RAPGEF2: variants seen among roughly 807,000 people sequenced by gnomAD.
RAPGEF2 encodes Rap guanine nucleotide exchange factor 2, also known as PDZ domain containing guanine nucleotide exchange factor (GEF) 1.
Under a neutral mutation model 186.7 loss-of-function variants are expected in RAPGEF2, and 54 were observed. The ratio of observed to expected loss-of-function variants is 0.29; its 90% CI spans 0.23 to 0.36. The LOEUF is 0.36. Among genes scored for constraint, RAPGEF2 ranks in the 10% least tolerant of loss-of-function variants. The probability of loss-of-function intolerance (pLI) is 1.00; values close to 1 mark genes in which losing one functional copy is unlikely to be tolerated. For synonymous variants in RAPGEF2, 712 were observed against 705.9 expected, an observed-to-expected ratio of 1.01 and a Z score of -0.14; for missense variants, 1,532 against 2,045.0, an observed-to-expected ratio of 0.75 and a Z score of 4.84.
rs190004652 is a variant in RAPGEF2, at chr4:159,220,831, G to T, written c.281+10248G>T. 8.5e-5 allele frequency among the ~76,000 whole-genome samples: 13 copies of T among 152,238 alleles called. No individual in the cohort carries two copies. The East Asian group carries it at 2.5e-3, about 29-fold the overall frequency. ...ATTTAATAAATGTTTGCTAAATTCT[G>T]TTGGGTCAGAATTATATTTTTAACT... On this transcript the variant is annotated intron_variant, in intron 4 of 29. Transcript: ENST00000691494.
rs148380573 is a variant in RAPGEF2 at position 159,143,715 on chromosome 4, A to T, written c.69+39484A>T. Among the ~76,000 whole-genome samples, 91 of 152,234 alleles carry T rather than the reference A, an allele frequency of 6.0e-4. No individual in the cohort carries two copies. The South Asian group carries it at 6.2e-3, about 10-fold the overall frequency. On this transcript the variant is annotated intron_variant, in intron 1 of 29. Transcript: ENST00000691494. Reference sequence around the variant, plus strand: ...AAGTTGATACTTACTGGGGAGCTGGATGGAATAGGTGTTTCTGGCGTTTTT... The same window carrying T: ...AAGTTGATACTTACTGGGGAGCTGGTTGGAATAGGTGTTTCTGGCGTTTTT...
chr4:159,325,275 TAGAGGAAAACAAAATGGTATAAG>T (rs1453310574), intron 11 of RAPGEF2, among the ~76,000 whole-genome samples: 7 of 152,218 alleles, frequency 4.6e-5, no homozygotes, highest in African/African-American at 9.6e-5. Context: ...TTTTGTATAA[TAGAGGAAAACAAAATGGTATAAG>T]AGAGGAAAAC....
At chr4:159,185,519 G>C (rs1182417399) in intron 1 of RAPGEF2, among the ~76,000 whole-genome samples, 4 of 152,166 alleles carry the variant, frequency 2.6e-5, no homozygotes, top group Non-Finnish European at 2.9e-5. Flanking sequence ...CTAAAACATG[G>C]ATAAACCTTG....
chr4:159,287,139 TA>T (rs1274867180), intron 7 of RAPGEF2, among the ~76,000 whole-genome samples: 1 of 152,094 alleles, frequency 6.6e-6, no homozygotes, highest in African/African-American at 2.4e-5. Flanking sequence ...CTCTTTTGAC[TA>T]GATTAAACTT....
chr4:159,273,886 G>A (rs935236064), intron 7 of RAPGEF2, among the ~76,000 whole-genome samples: 32 of 152,122 alleles, frequency 2.1e-4, no homozygotes, highest in African/African-American at 7.0e-4. Context: ...TCCATCTCCC[G>A]GGTTCAAGCA....
At chr4:159,123,472 G>T (rs111836638) in intron 1 of RAPGEF2, among the ~76,000 whole-genome samples, 1 of 151,684 alleles carries the variant, frequency 6.6e-6, no homozygotes, top group Admixed American at 6.6e-5. Context: ...AAAGTTATTC[G>T]TGCCAGGTTA....
chr4:159,171,347 T>G (rs977497000), intron 1 of RAPGEF2, among the ~76,000 whole-genome samples: 22 of 152,230 alleles, frequency 1.4e-4, no homozygotes, highest in African/African-American at 4.3e-4. Flanking sequence ...AAGGCACTGA[T>G]GATTCGCTTA....
chr4:159,273,876 T>C (rs1025349111), intron 7 of RAPGEF2, among the ~76,000 whole-genome samples: 1 of 152,144 alleles, frequency 6.6e-6, no homozygotes. Context: ...CACTGCTACC[T>C]CCATCTCCCG....
chr4:159,253,707 G>T (rs1400148646), intron 7 of RAPGEF2, among the ~76,000 whole-genome samples: 2 of 152,004 alleles, frequency 1.3e-5, no homozygotes, highest in African/African-American at 4.8e-5. Context: ...GGTGGCTCAT[G>T]CCTGCAATCC....
intron 7 of RAPGEF2, among the ~76,000 whole-genome samples, chr4:159,254,425 G>T (rs954302934): frequency 6.6e-6 from 1 of 152,088 alleles, no homozygotes; most frequent in African/African-American, 2.4e-5. Context: ...CATACTTTGT[G>T]AACTAGTCTC....
intron 3 of RAPGEF2, among the ~76,000 whole-genome samples, chr4:159,195,811 C>T (rs936584490): frequency 6.6e-6 from 1 of 150,744 alleles, no homozygotes; most frequent in Non-Finnish European, 1.5e-5. Flanking sequence ...TTATGACTGC[C>T]TAACAATTAT....
chr4:159,139,568 G>A (rs1298447502), intron 1 of RAPGEF2, among the ~76,000 whole-genome samples: 1 of 151,358 alleles, frequency 6.6e-6, no homozygotes, highest in African/African-American at 2.4e-5. Flanking sequence ...TGTGATACTG[G>A]TGAAATTAAA....
intron 7 of RAPGEF2, among the ~76,000 whole-genome samples, chr4:159,273,912 C>T (rs558296960): frequency 2.1e-4 from 32 of 152,268 alleles, no homozygotes; most frequent in African/African-American, 5.8e-4. Flanking sequence ...CCCCCTCAGT[C>T]TCCCAAGTAG....
At chr4:159,321,919 A>G (rs1765285169) in intron 9 of RAPGEF2, among the ~76,000 whole-genome samples, 1 of 152,212 alleles carries the variant, frequency 6.6e-6, no homozygotes, top group South Asian at 2.1e-4. Flanking sequence ...TTTGAATTAA[A>G]TATAGTTATT....
chr4:159,104,679 G>A (rs1016005140), intron 1 of RAPGEF2, among the ~76,000 whole-genome samples: 7 of 152,064 alleles, frequency 4.6e-5, no homozygotes, highest in Non-Finnish European at 8.8e-5. Context: ...AGCGACTCTT[G>A]CTCCCTCTGA....
At chr4:159,348,577 T>C (rs113976141) in intron 25 of RAPGEF2, among the ~76,000 whole-genome samples, 1,758 of 152,328 alleles carry the variant, frequency 0.012, 23 homozygotes, top group Non-Finnish European at 0.018. Flanking sequence ...TGTGTTTCTT[T>C]ATATATTACG....
intron 1 of RAPGEF2, among the ~76,000 whole-genome samples, chr4:159,166,291 G>T (rs1001739830): frequency 1.3e-5 from 2 of 152,036 alleles, no homozygotes; most frequent in African/African-American, 4.8e-5. Flanking sequence ...TCTAGCCTGG[G>T]CAACAGAGCA....
At chr4:159,149,467 C>G (rs1163566328) in intron 1 of RAPGEF2, among the ~76,000 whole-genome samples, 1 of 152,086 alleles carries the variant, frequency 6.6e-6, no homozygotes, top group Admixed American at 6.5e-5. Flanking sequence ...GCATCTTGGC[C>G]AGGCTGGTCT....
intron 1 of RAPGEF2, among the ~76,000 whole-genome samples, chr4:159,176,736 T>C (rs1746483940): frequency 6.6e-6 from 1 of 152,204 alleles, no homozygotes; most frequent in African/African-American, 2.4e-5. Context: ...CTGAAACTTG[T>C]GGGAAACCTC....
Sources: gnomAD v4.1 joint callset for allele counts (sites outside exome capture counted in the v4.1 genomes callset) on GRCh38, gnomAD v4.1.1 for gene constraint, MANE v1.5 for transcripts, NCBI Gene and HGNC (gene_info 2026-07-23, HGNC 2026-07-21) for gene names.